Variants in ACSBG1 observed in about 807,000 individuals in gnomAD.
ACSBG1 encodes long-chain-fatty-acid--CoA ligase ACSBG1.
A neutral mutation model predicts 80.2 loss-of-function variants in ACSBG1; 39 were observed. The observed-to-expected ratio is 0.49, with a 90% CI of 0.38 to 0.64. The LOEUF is 0.64. ACSBG1 is among the 30% of genes least tolerant of loss of function. ACSBG1 has a pLI of 0.00. For synonymous variants in ACSBG1, 392 were observed against 379.5 expected (o/e 1.03, Z -0.38); for missense variants, 828 against 966.4 (o/e 0.86, Z 1.90).
rs2074896275 is a variant in ACSBG1, at chr15:78,177,668, G to A, written c.1702+946C>T. Among the ~76,000 whole-genome samples, 2 of 152,132 alleles carry A rather than the reference G, an allele frequency of 1.3e-5. No individual in the cohort carries two copies. Among genetic ancestry groups the A allele is most frequent in the African/African-American group, 4.8e-5 (2 of 41,438 alleles). On this transcript the variant is annotated intron_variant, in intron 11 of 13. Transcript: ENST00000258873. The surrounding 1 kb of genome is among the most constrained non-coding windows in gnomAD (Gnocchi z 4.1). ...CATCCCAGGGCCCAAACGCCACCGC[G>A]ACCTTTTGTCCCTCCCTGGGGTGGC...
Position 78,206,169 on chromosome 15 carries a change from C to T in ACSBG1, c.232+1833G>A, listed in dbSNP as rs182256495. Among the ~76,000 whole-genome samples, 22 of 152,340 alleles carry T rather than the reference C, an allele frequency of 1.4e-4. No individual in the cohort carries two copies. In the East Asian group the frequency reaches 3.1e-3, roughly 21 times the overall value. On this transcript the variant is annotated intron_variant, in intron 2 of 13. Coordinates refer to ENST00000258873, the MANE Select transcript of ACSBG1 (RefSeq NM_015162.5). ...CGGTGGCCTCCGCTCTGGGCGCCTG[C>T]TGACAACCATGGTGCCTCCTTAGCC...
intron 1 of ACSBG1, among the ~76,000 whole-genome samples, chr15:78,221,450 T>C (rs1481158402): frequency 6.6e-6 from 1 of 152,202 alleles, no homozygotes; most frequent in East Asian, 1.9e-4. Context: ...GCAGTATTTC[T>C]GCCAGCACAT....
chr15:78,196,025 G>C (rs1304000665), intron 2 of ACSBG1, among the ~76,000 whole-genome samples: 1 of 152,238 alleles, frequency 6.6e-6, no homozygotes, highest in Non-Finnish European at 1.5e-5. Context: ...AGGGCCGGAA[G>C]TAGGGATGAC....
rs180943798 is a variant in ACSBG1, at chr15:78,218,389, A to C, written c.132-10287T>G. On this transcript the variant is annotated intron_variant, in intron 1 of 13. Transcript: ENST00000258873. ...CTCACAGACTTGGTCCCTGCCGTGG[A>C]GGAGCCCAGGGTTTAAAGAGGAAGA... Among the ~76,000 whole-genome samples the C allele has an allele frequency of 5.3e-3, 814 of 152,224 alleles. 12 individuals are homozygous for C. Among genetic ancestry groups the C allele is most frequent in the African/African-American group, 0.019 (783 of 41,520 alleles).
chr15:78,186,932 C>T (rs1567083708), intron 5 of ACSBG1, among the ~76,000 whole-genome samples: 1 of 151,878 alleles, frequency 6.6e-6, no homozygotes, highest in Non-Finnish European at 1.5e-5. Context: ...GCTAGCAAGA[C>T]TAATAAAGAA....
chr15:78,192,942 A>T (rs1309705578), intron 5 of ACSBG1, among the ~76,000 whole-genome samples: 1 of 152,112 alleles, frequency 6.6e-6, no homozygotes, highest in African/African-American at 2.4e-5. Flanking sequence ...GCATGCAGGG[A>T]CAGAGCCAGT....
intron 2 of ACSBG1, among the ~76,000 whole-genome samples, chr15:78,198,522 T>C: frequency 6.6e-6 from 1 of 151,664 alleles, no homozygotes; most frequent in South Asian, 2.1e-4. Flanking sequence ...AATTTTTGCA[T>C]TTTTTAGTAG....
At position 78,178,940 on chromosome 15, in the gene ACSBG1, T is replaced by TC; in HGVS notation, c.1485-110dup. On this transcript the variant is annotated intron_variant, in intron 10 of 13. Transcript: ENST00000258873. The surrounding 1 kb of genome is among the most constrained non-coding windows in gnomAD (Gnocchi z 4.3). ...GGTCTTCACTGATTGCTAGAAGGTA[T>TC]CCCCTCACAGGGCTTTTGTATTTTT... is the stretch of plus-strand genomic sequence containing the variant. The TC allele has an allele frequency of 1.8e-6, 2 of 1,129,040 alleles. No individual in the cohort carries two copies. Among genetic ancestry groups the TC allele is most frequent in the Non-Finnish European group, 2.5e-6 (2 of 814,638 alleles). The allele number at this position is 1,129,040 out of a possible 1,614,324, so 69.9% of individuals were successfully genotyped here.
chr15:78,173,272 G>A (rs1050893395), intron 13 of ACSBG1, among the ~76,000 whole-genome samples: 10 of 140,354 alleles, frequency 7.1e-5, no homozygotes, highest in African/African-American at 2.7e-4. Context: ...TTGAACCCGC[G>A]AGGTGCAGGT....
rs952633329 is a variant in ACSBG1 at position 78,168,054 on chromosome 15, T to A, written c.*3390A>T. 1 of 152,120 alleles carries A rather than the reference T, an allele frequency of 6.6e-6. No homozygotes were observed. Among genetic ancestry groups the A allele is most frequent in the Admixed American group, 6.5e-5 (1 of 15,272 alleles). The allele number at this position is 152,120 out of a possible 1,614,324, so 9.4% of individuals were successfully genotyped here. On this transcript the variant is annotated 3_prime_UTR_variant, in exon 14 of 14. Coordinates refer to ENST00000258873, the MANE Select transcript of ACSBG1 (RefSeq NM_015162.5). Reference sequence around the variant, plus strand: ...AGAGAATTAAATATATTGGGGTCTGTATGCAGGAAAGAAAGGATAAGCTGG... The same window carrying A: ...AGAGAATTAAATATATTGGGGTCTGAATGCAGGAAAGAAAGGATAAGCTGG...
Position 78,178,974 on chromosome 15 carries a change from CT to C in ACSBG1, c.1485-144del. ...AGGGCTTTTGTATTTTTACAGGGGA[CT>C]TACAGCTGAAAGGTAGAGCCAAGTA... On this transcript the variant is annotated intron_variant, in intron 10 of 13. Coordinates refer to ENST00000258873, the MANE Select transcript of ACSBG1 (RefSeq NM_015162.5). The surrounding 1 kb of genome is among the most constrained non-coding windows in gnomAD (Gnocchi z 4.3). 1 of 821,854 alleles carries C rather than the reference CT, an allele frequency of 1.2e-6. No homozygotes were observed. The highest frequency in any genetic ancestry group is 1.8e-6 in the Non-Finnish European group (1 of 540,708). 50.9% of individuals were successfully genotyped at this position (821,854 alleles called of 1,614,324 possible). A position where few individuals can be genotyped will look rare whatever the true frequency, so the allele number is the denominator to read the frequency against.
chr15:78,206,693 C>A (rs1022710876), intron 2 of ACSBG1, among the ~76,000 whole-genome samples: 3 of 152,198 alleles, frequency 2.0e-5, no homozygotes, highest in Non-Finnish European at 2.9e-5. Context: ...AAGGGACCCT[C>A]TCTGGGACTC....
chr15:78,231,008 C>A (rs2075442108), intron 1 of ACSBG1, among the ~76,000 whole-genome samples: 1 of 152,200 alleles, frequency 6.6e-6, no homozygotes, highest in South Asian at 2.1e-4. Context: ...CTGTGTCACC[C>A]AGGTGGAGTG....
At chr15:78,198,973 G>A (rs2075141395) in intron 2 of ACSBG1, among the ~76,000 whole-genome samples, 1 of 152,098 alleles carries the variant, frequency 6.6e-6, no homozygotes, top group East Asian at 1.9e-4. Flanking sequence ...TGAAACCAGA[G>A]GCAGTCTTCT....
chr15:78,192,259 C>T (rs2075063511), intron 5 of ACSBG1, among the ~76,000 whole-genome samples: 1 of 152,040 alleles, frequency 6.6e-6, no homozygotes, highest in African/African-American at 2.4e-5. Context: ...ACCCTCATAC[C>T]AGCCCTTCCA....
At chr15:78,171,689 T>C (rs2074824912) in intron 13 of ACSBG1, 160 bp from the exon 14 acceptor site, 1 of 598,258 alleles carries the variant, frequency 1.7e-6, no homozygotes, top group Non-Finnish European at 3.0e-6. Flanking sequence ...TCGCTCCTGG[T>C]ATTCATATGG....
intron 1 of ACSBG1, among the ~76,000 whole-genome samples, chr15:78,225,250 A>C (rs2075390068): frequency 6.6e-6 from 1 of 152,078 alleles, no homozygotes; most frequent in African/African-American, 2.4e-5. Context: ...AATTACAAAA[A>C]ATTAGCCAGG....
chr15:78,215,742 GAAA>G (rs763560453), intron 1 of ACSBG1, among the ~76,000 whole-genome samples: 8,800 of 141,560 alleles, frequency 0.062, 388 homozygotes, highest in Non-Finnish European at 0.094. Context: ...AAGAAAGAAA[GAAA>G]GAAAGAAAGA....
intron 2 of ACSBG1, among the ~76,000 whole-genome samples, chr15:78,202,739 C>G (rs781718812): frequency 4.6e-5 from 7 of 152,198 alleles, no homozygotes; most frequent in Non-Finnish European, 1.0e-4. Context: ...TTGGGGGCAA[C>G]TGGCAATATA....
Sources: allele counts gnomAD v4.1 joint callset (sites outside exome capture counted in the v4.1 genomes callset), GRCh38; gene constraint gnomAD v4.1.1; non-coding constraint Gnocchi (gnomAD v3.1); transcripts MANE v1.5; gene names NCBI Gene and HGNC (gene_info 2026-07-23, HGNC 2026-07-21).